ADAMTS16: variants seen among roughly 807,000 people sequenced by gnomAD.
ADAMTS16 encodes ADAM metallopeptidase with thrombospondin type 1 motif 16, also known as A disintegrin and metalloproteinase with thrombospondin motifs 16.
A neutral mutation model predicts 145.8 loss-of-function variants in ADAMTS16; 94 were observed. The ratio of observed to expected loss-of-function variants is 0.64; its 90% CI spans 0.55 to 0.77. The LOEUF is 0.77. Ranked by LOEUF, ADAMTS16 falls within the 30% of genes least tolerant of loss-of-function variation. The probability of loss-of-function intolerance (pLI) is 0.00; values close to 1 mark genes in which losing one functional copy is unlikely to be tolerated. For synonymous variants in ADAMTS16, 659 were observed against 604.3 expected (o/e 1.09, Z -1.33); for missense variants, 1,585 against 1,591.5 (o/e 1.00, Z 0.07).
At chr5:5,156,099 TTG>T (rs1734595160) in intron 3 of ADAMTS16, among the ~76,000 whole-genome samples, 1 of 152,168 alleles carries the variant, frequency 6.6e-6, no homozygotes. Context: ...ACTGTCCGCA[TTG>T]TGTGGGCTGT....
intron 10 of ADAMTS16, among the ~76,000 whole-genome samples, chr5:5,219,000 C>T (rs529453606): frequency 9.1e-4 from 139 of 152,142 alleles, no homozygotes; most frequent in South Asian, 2.3e-3. Flanking sequence ...GGATCGGGGG[C>T]GTGGCAGGCC....
chr5:5,254,815 C>T (rs1163472120), intron 17 of ADAMTS16, among the ~76,000 whole-genome samples: 2 of 152,124 alleles, frequency 1.3e-5, no homozygotes, highest in African/African-American at 4.8e-5. Context: ...GTATTTCTCA[C>T]ATTAATACTC....
In ADAMTS16 at chr5:5,189,956, T is replaced by G. The variant is rs755627405; in HGVS notation, c.1048-15T>G. The G allele has an allele frequency of 6.2e-7, 1 of 1,610,208 alleles. No individual in the cohort carries two copies. Among genetic ancestry groups the G allele is most frequent in the Admixed American group, 1.7e-5 (1 of 59,124 alleles). On this transcript the variant is annotated splice_polypyrimidine_tract_variant and intron_variant, in intron 6 of 22. Coordinates refer to ENST00000274181, the MANE Select transcript of ADAMTS16 (RefSeq NM_139056.4). ...TTCATTATCATGGGGTCCTCGGTCC[T>G]TGTCTCTTGCACAGCCAGGACTGGT...
chr5:5,265,094 T>G (rs1738186435), intron 18 of ADAMTS16, among the ~76,000 whole-genome samples: 1 of 152,192 alleles, frequency 6.6e-6, no homozygotes, highest in Non-Finnish European at 1.5e-5. Flanking sequence ...GTTTAGGAAA[T>G]AAACCCCATG....
intron 2 of ADAMTS16, among the ~76,000 whole-genome samples, chr5:5,145,232 G>A (rs1350425488): frequency 6.6e-6 from 1 of 152,124 alleles, no homozygotes; most frequent in African/African-American, 2.4e-5. Context: ...ATCACTGTGA[G>A]AATAATTAAA....
Position 5,140,624 on chromosome 5 carries a change from C to G in ADAMTS16, c.73-40C>G. 3 of 1,528,782 alleles carry G rather than the reference C, an allele frequency of 2.0e-6. No individual in the cohort carries two copies. In the South Asian group the frequency reaches 3.6e-5, roughly 18 times the overall value. The allele number at this position is 1,528,782 out of a possible 1,614,324, so 94.7% of individuals were successfully genotyped here. A position where few individuals can be genotyped will look rare whatever the true frequency, so the allele number is the denominator to read the frequency against. ...TCCCCCGCGGCTCCTCTCCCGCGGA[C>G]CCCGCCGTCTCACCGCGATGTCGCC... On this transcript the variant is annotated intron_variant, in intron 1 of 22. Transcript: ENST00000274181.
At chr5:5,316,343 CA>C (rs1332057162) in intron 21 of ADAMTS16, among the ~76,000 whole-genome samples, 1 of 152,192 alleles carries the variant, frequency 6.6e-6, no homozygotes, top group African/African-American at 2.4e-5. Context: ...CCAGGACTTC[CA>C]AAATGTTATC....
At chr5:5,300,519 A>G (rs1025989673) in intron 18 of ADAMTS16, among the ~76,000 whole-genome samples, 10 of 152,246 alleles carry the variant, frequency 6.6e-5, no homozygotes, top group African/African-American at 2.4e-4. Context: ...TAGTCTTTGT[A>G]TAATTTTCTT....
chr5:5,279,401 T>C (rs1004785289), intron 18 of ADAMTS16, among the ~76,000 whole-genome samples: 1 of 152,194 alleles, frequency 6.6e-6, no homozygotes, highest in Non-Finnish European at 1.5e-5. Context: ...CAGTCCTTCA[T>C]TTGGAAACTG....
intron 9 of ADAMTS16, among the ~76,000 whole-genome samples, chr5:5,206,706 T>G (rs1380480312): frequency 6.6e-6 from 1 of 151,980 alleles, no homozygotes; most frequent in Non-Finnish European, 1.5e-5. Context: ...GGTCTCGAAC[T>G]CCCGACCTCA....
intron 17 of ADAMTS16, among the ~76,000 whole-genome samples, chr5:5,260,835 G>T (rs919192686): frequency 6.6e-6 from 1 of 152,224 alleles, no homozygotes; most frequent in African/African-American, 2.4e-5. Context: ...CCTTAAGTCA[G>T]GAAGGGTTTG....
chr5:5,272,455 G>A (rs551952351), intron 18 of ADAMTS16, among the ~76,000 whole-genome samples: 5 of 143,812 alleles, frequency 3.5e-5, no homozygotes, highest in South Asian at 2.3e-4. Context: ...GCCGCCTCCC[G>A]AGTTCACACC....
At chr5:5,284,043 T>C (rs879057329) in intron 18 of ADAMTS16, among the ~76,000 whole-genome samples, 1 of 152,254 alleles carries the variant, frequency 6.6e-6, no homozygotes, top group East Asian at 1.9e-4. Context: ...TTAACTTTTT[T>C]AATGTTTACT....
chr5:5,228,972 C>T (rs12523075), intron 11 of ADAMTS16, among the ~76,000 whole-genome samples: 19,264 of 152,236 alleles, frequency 0.13, 1,227 homozygotes, highest in East Asian at 0.17. Context: ...CTTCTTCCTT[C>T]CTTTGTTCTC....
At chr5:5,273,507 A>T (rs1738564698) in intron 18 of ADAMTS16, among the ~76,000 whole-genome samples, 1 of 152,186 alleles carries the variant, frequency 6.6e-6, no homozygotes, top group East Asian at 1.9e-4. Flanking sequence ...CAGAGTGAAA[A>T]CCTGTCTCAA....
chr5:5,305,513 A>C (rs1579407552), intron 20 of ADAMTS16, among the ~76,000 whole-genome samples: 2 of 141,292 alleles, frequency 1.4e-5, no homozygotes, highest in African/African-American at 5.3e-5. Context: ...CACACATCCC[A>C]TACCACACAC....
chr5:5,157,684 A>G (rs1734634898), intron 3 of ADAMTS16, among the ~76,000 whole-genome samples: 1 of 152,236 alleles, frequency 6.6e-6, no homozygotes, highest in Non-Finnish European at 1.5e-5. Flanking sequence ...TTGTCTCAAT[A>G]ACCCTAGGGT....
intron 18 of ADAMTS16, among the ~76,000 whole-genome samples, chr5:5,264,041 C>A (rs1738137609): frequency 6.6e-6 from 1 of 152,186 alleles, no homozygotes; most frequent in Non-Finnish European, 1.5e-5. Context: ...TCTCCTCCCC[C>A]AAGTCAGGCC....
At chr5:5,173,417 CT>C (rs373504065) in intron 3 of ADAMTS16, among the ~76,000 whole-genome samples, 6,810 of 142,178 alleles carry the variant, frequency 0.048, 188 homozygotes, top group Middle Eastern at 0.071. Context: ...ATCTTTTGTA[CT>C]TTTTTTTTTA....
Sources: allele counts gnomAD v4.1 joint callset (sites outside exome capture counted in the v4.1 genomes callset), GRCh38; gene constraint gnomAD v4.1.1; transcripts MANE v1.5; gene names NCBI Gene and HGNC (gene_info 2026-07-23, HGNC 2026-07-21).